C12orf60: variants seen among roughly 807,000 people sequenced by gnomAD.
The protein encoded by C12orf60 is chromosome 12 open reading frame 60.
For missense variants in C12orf60, 284 were observed against 283.2 expected (o/e 1.00, Z -0.02); for synonymous variants, 102 against 94.6 (o/e 1.08, Z -0.45).
At chr12:14,814,787 A>T (rs1253423575) in intron 1 of C12orf60, among the ~76,000 whole-genome samples, 1 of 152,180 alleles carries the variant, frequency 6.6e-6, no homozygotes, top group African/African-American at 2.4e-5. Context: ...TCCCAGCTTC[A>T]GTCTTCAGAC....
chr12:14,807,294 G>A (rs1950067432), intron 1 of C12orf60, among the ~76,000 whole-genome samples: 1 of 152,154 alleles, frequency 6.6e-6, no homozygotes, highest in South Asian at 2.1e-4. Context: ...TAATAAGCGT[G>A]ATTATTTCTA....
chr12:14,810,177 G>A (rs907723029), intron 1 of C12orf60, among the ~76,000 whole-genome samples: 13 of 152,130 alleles, frequency 8.5e-5, no homozygotes, highest in Non-Finnish European at 1.9e-4. Flanking sequence ...GTGGGGAGTG[G>A]GGAGGGTTTT....
At chr12:14,806,094 T>G (rs1950044032) in intron 1 of C12orf60, 1 of 1,614,196 alleles carries the variant, frequency 6.2e-7, no homozygotes, top group Non-Finnish European at 8.5e-7. Context: ...CAGATGCTTC[T>G]CATAACTTTT....
chr12:14,805,997 G>A (rs530744026), intron 1 of C12orf60: 21 of 1,591,744 alleles, frequency 1.3e-5, no homozygotes, highest in South Asian at 1.1e-4. Context: ...CAAATAAAAC[G>A]GCTGTTCATT....
In C12orf60 at chr12:14,823,043, G is replaced by T. The variant is rs778353141; in HGVS notation, c.108G>T (p.Leu36Phe). 6.2e-7 allele frequency: 1 copy of T among 1,614,054 alleles called. No homozygotes were observed. The highest frequency in any genetic ancestry group is 1.1e-5 in the South Asian group (1 of 91,082). The change falls in exon 2 of 2, where the codon TTG becomes TTT. Residue 36 changes from leucine (L) to phenylalanine (F), a missense_variant. Leu to Phe is a conservative substitution (Grantham distance 22, BLOSUM62 0). Transcript: ENST00000330828. Reference sequence around the variant, plus strand: ...CTGTCATAAACACACTGACTGAATTGTTTAGCCGCAGTATGAATACTCAAA... The same window carrying T: ...CTGTCATAAACACACTGACTGAATTTTTTAGCCGCAGTATGAATACTCAAA... ...LASVINTLTE[L>F]FSRSMNTQIL... is the part of the protein sequence containing the mutation.
chr12:14,813,742 A>G (rs1950176655), intron 1 of C12orf60, among the ~76,000 whole-genome samples: 1 of 152,208 alleles, frequency 6.6e-6, no homozygotes, highest in Non-Finnish European at 1.5e-5. Flanking sequence ...TCTTTCATAG[A>G]TAGGTACTGA....
At chr12:14,817,489 C>T (rs1161200900) in intron 1 of C12orf60, among the ~76,000 whole-genome samples, 1 of 152,166 alleles carries the variant, frequency 6.6e-6, no homozygotes, top group Non-Finnish European at 1.5e-5. Context: ...TCGCCCCCCA[C>T]TCCTCAACTG....
intron 1 of C12orf60, chr12:14,806,107 T>C: frequency 6.2e-7 from 1 of 1,614,210 alleles, no homozygotes; most frequent in East Asian, 2.2e-5. Context: ...TAACTTTTGA[T>C]GGCTGCTTGA....
intron 1 of C12orf60, among the ~76,000 whole-genome samples, chr12:14,820,763 G>A (rs1950294019): frequency 6.6e-6 from 1 of 151,932 alleles, no homozygotes; most frequent in Non-Finnish European, 1.5e-5. Flanking sequence ...ATTAGTTTGA[G>A]GAGTACTGAC....
At chr12:14,806,568 T>A (rs781283957) in intron 1 of C12orf60, 1 of 1,614,072 alleles carries the variant, frequency 6.2e-7, no homozygotes, top group African/African-American at 1.3e-5. Flanking sequence ...CTCAGTCAGC[T>A]TATTGGTGAC....
chr12:14,807,078 T>C (rs1198818639), intron 1 of C12orf60, among the ~76,000 whole-genome samples: 1 of 152,210 alleles, frequency 6.6e-6, no homozygotes, highest in East Asian at 1.9e-4. Context: ...GTAATCCACC[T>C]GCCTTGGCCT....
At chr12:14,811,102 T>C (rs1472472840) in intron 1 of C12orf60, among the ~76,000 whole-genome samples, 1 of 152,238 alleles carries the variant, frequency 6.6e-6, no homozygotes, top group African/African-American at 2.4e-5. Context: ...ACCTATTGTA[T>C]GGTAAGTTTG....
chr12:14,824,386 A>G lies in C12orf60; in HGVS notation c.*713A>G, dbSNP rs1262051215. 1 of 152,230 alleles carries G rather than the reference A, an allele frequency of 6.6e-6. No individual in the cohort carries two copies. The highest frequency in any genetic ancestry group is 1.5e-5 in the Non-Finnish European group (1 of 68,030). The allele number at this position is 152,230 out of a possible 1,614,324, so 9.4% of individuals were successfully genotyped here. On this transcript the variant is annotated 3_prime_UTR_variant, in exon 2 of 2. Coordinates refer to ENST00000330828, the MANE Select transcript of C12orf60 (RefSeq NM_175874.4). Reference sequence around the variant, plus strand: ...GATATCTGAGATGTGCTTTATTTAAAGAAATGAGATAGGGCAGTCTCTTTG... The same window carrying G: ...GATATCTGAGATGTGCTTTATTTAAGGAAATGAGATAGGGCAGTCTCTTTG...
chr12:14,815,446 G>A (rs952882307), intron 1 of C12orf60, among the ~76,000 whole-genome samples: 1 of 152,140 alleles, frequency 6.6e-6, no homozygotes, highest in Non-Finnish European at 1.5e-5. Flanking sequence ...CATTTTCAGG[G>A]AACAAAAACC....
chr12:14,807,898 G>T (rs918080914), intron 1 of C12orf60, among the ~76,000 whole-genome samples: 15 of 152,216 alleles, frequency 9.9e-5, no homozygotes, highest in Admixed American at 9.8e-4. Context: ...GGGCATGGTG[G>T]CTCAGGCCTG....
intron 1 of C12orf60, among the ~76,000 whole-genome samples, chr12:14,811,818 G>A (rs1950144143): frequency 6.6e-6 from 1 of 152,194 alleles, no homozygotes. Flanking sequence ...ACTGTCAAGT[G>A]CTGTTGAACT....
At position 14,822,997 on chromosome 12, in the gene C12orf60, T is replaced by C. The variant is rs760523645; in HGVS notation, c.62T>C (p.Phe21Ser). 1.2e-6 allele frequency: 2 copies of C among 1,610,120 alleles called. No homozygotes were observed. Among genetic ancestry groups the C allele is most frequent in the Non-Finnish European group, 1.7e-6 (2 of 1,176,692 alleles). ...ATTCAAGCTGCCAAAATGTTCTTCT[T>C]TCATGTACAAGATCTTGCTTCTGTC... is the stretch of plus-strand genomic sequence containing the variant. ...RLIQAAKMFF[F>S]HVQDLASVIN... Residue 21 changes from phenylalanine (F) to serine (S), a missense_variant, in exon 2 of 2, where the codon TTT becomes TCT. Phe to Ser is a radical substitution (Grantham distance 155). Coordinates refer to ENST00000330828, the MANE Select transcript of C12orf60 (RefSeq NM_175874.4).
intron 1 of C12orf60, among the ~76,000 whole-genome samples, chr12:14,804,148 T>C (rs1032381655): frequency 6.6e-6 from 1 of 152,202 alleles, no homozygotes; most frequent in African/African-American, 2.4e-5. Context: ...TTTTAAGTTA[T>C]ATGAGTGGCA....
intron 1 of C12orf60, chr12:14,806,303 A>T: frequency 6.2e-7 from 1 of 1,614,236 alleles, no homozygotes; most frequent in South Asian, 1.1e-5. Context: ...CACTGGCTGC[A>T]GATGTAGCTT....
Sources: allele counts gnomAD v4.1 joint callset (sites outside exome capture counted in the v4.1 genomes callset), GRCh38; gene constraint gnomAD v4.1.1; transcripts MANE v1.5; gene names NCBI Gene and HGNC (gene_info 2026-07-23, HGNC 2026-07-21).